SYPL1: variants seen among roughly 807,000 people sequenced by gnomAD.
SYPL1 encodes synaptophysin-like protein 1.
SYPL1 carries 6 observed loss-of-function variants against 23.7 expected under a neutral mutation model. The observed-to-expected ratio is 0.25, with a 90% CI of 0.14 to 0.50. The LOEUF is 0.50. Among genes scored for constraint, SYPL1 ranks in the 20% least tolerant of loss-of-function variants. SYPL1 has a pLI of 0.98. For missense variants in SYPL1, 253 were observed against 288.9 expected (o/e 0.88, Z 0.90); for synonymous variants, 102 against 104.5 (o/e 0.98, Z 0.15).
rs1243073255 is a variant in SYPL1, at chr7:106,100,318, T to TCATC, written c.70-1040_70-1037dup. On this transcript the variant is annotated intron_variant, in intron 1 of 4. Transcript: ENST00000455385. The surrounding 1 kb of genome is among the most constrained non-coding windows in gnomAD (Gnocchi z 5.1). ...TGTTGACAGGGAATCAAACTATAATTCATCCATTCATTCATTCATGCAATG... is the reference window on the plus strand; with the variant it reads ...TGTTGACAGGGAATCAAACTATAATTCATCCATCCATTCATTCATTCATGCAATG... Among the ~76,000 whole-genome samples the TCATC allele has an allele frequency of 6.6e-6, 1 of 152,308 alleles. No homozygotes were observed. Among genetic ancestry groups the TCATC allele is most frequent in the Admixed American group, 6.5e-5 (1 of 15,302 alleles).
rs1462244114 is a variant in SYPL1, at chr7:106,100,187, A to G, written c.70-905T>C. 6.6e-6 allele frequency among the ~76,000 whole-genome samples: 1 copy of G among 152,234 alleles called. No homozygotes were observed. Among genetic ancestry groups the G allele is most frequent in the Non-Finnish European group, 1.5e-5 (1 of 68,026 alleles). ...CCCTTGTGGGTATTTCCAGGTCTCA[A>G]AAAGTTGTTGGAAACTTATTTTCCT... is the stretch of plus-strand genomic sequence containing the variant. On this transcript the variant is annotated intron_variant, in intron 1 of 4. Coordinates refer to ENST00000455385, the MANE Select transcript of SYPL1 (RefSeq NM_182715.4). The surrounding 1 kb of genome is among the most constrained non-coding windows in gnomAD (Gnocchi z 5.1).
chr7:106,098,761 C>G (rs1460945418), intron 2 of SYPL1, among the ~76,000 whole-genome samples: 1 of 152,132 alleles, frequency 6.6e-6, no homozygotes, highest in Non-Finnish European at 1.5e-5. Flanking sequence ...CATTAATATT[C>G]AGCAATTACA....
At chr7:106,112,445 G>A (rs887070318), upstream of SYPL1, 22 of 1,457,494 alleles carry the variant, frequency 1.5e-5, no homozygotes, top group Non-Finnish European at 2.0e-5. Flanking sequence ...GGCGGGCCGG[G>A]GCGGAGACCG....
upstream of SYPL1, chr7:106,112,568 CT>C: frequency 6.7e-7 from 1 of 1,489,394 alleles, no homozygotes; most frequent in Non-Finnish European, 8.9e-7. Context: ...GGTTCAGCCC[CT>C]GGCACTCGGT....
chr7:106,112,505 G>A, upstream of SYPL1: 1 of 1,523,454 alleles, frequency 6.6e-7, no homozygotes, highest in South Asian at 1.3e-5. Context: ...ATCCGCTGGC[G>A]AACCAAGTAG....
chr7:106,112,306 C>A lies in SYPL1; in HGVS notation c.-98G>T. The A allele has an allele frequency of 1.5e-6, 2 of 1,327,148 alleles. No homozygotes were observed. The highest frequency in any genetic ancestry group is 2.1e-5 in the South Asian group (1 of 47,768). The allele number at this position is 1,327,148 out of a possible 1,614,324, so 82.2% of individuals were successfully genotyped here. A position where few individuals can be genotyped will look rare whatever the true frequency, so the allele number is the denominator to read the frequency against. On this transcript the variant is annotated 5_prime_UTR_variant, in exon 1 of 5. Transcript: ENST00000455385. ...CGGTGGCGAGGAAGGGCAGGCGGGG[C>A]TGGCGCGCTGGCCGGGCTCGGAGGC...
intron 1 of SYPL1, among the ~76,000 whole-genome samples, chr7:106,110,699 G>A (rs1020726947): frequency 2.0e-5 from 3 of 152,118 alleles, no homozygotes; most frequent in African/African-American, 7.2e-5. Context: ...ATCAAAACAC[G>A]AATGAACTTA....
chr7:106,112,522 G>C (rs1790229634), upstream of SYPL1: 1 of 1,520,866 alleles, frequency 6.6e-7, no homozygotes, highest in Non-Finnish European at 8.8e-7. Flanking sequence ...GTAGATGTTG[G>C]GCGCCATACT....
intron 1 of SYPL1, among the ~76,000 whole-genome samples, chr7:106,108,494 G>A (rs930765393): frequency 1.1e-4 from 16 of 151,896 alleles, no homozygotes; most frequent in South Asian, 4.2e-4. Flanking sequence ...TTTCTGCTTG[G>A]CCTTCTGAGT....
rs1237217404 is a variant in SYPL1 at position 106,095,873 on chromosome 7, AGTTTTATC to A, written c.402+1809_402+1816del. On this transcript the variant is annotated intron_variant, in intron 3 of 4. Transcript: ENST00000455385. The surrounding 1 kb of genome is among the most constrained non-coding windows in gnomAD (Gnocchi z 4.3). ...AATGATGCAACTAGGTCAGTTTTAT[AGTTTTATC>A]AGACAAAAACCACCTACAAAAATAG... Among the ~76,000 whole-genome samples the A allele has an allele frequency of 6.6e-6, 1 of 152,190 alleles. No individual in the cohort carries two copies. Among genetic ancestry groups the A allele is most frequent in the African/African-American group, 2.4e-5 (1 of 41,444 alleles).
chr7:106,096,895 T>C lies in SYPL1; in HGVS notation c.402+795A>G, dbSNP rs1421345325. Reference sequence around the variant, plus strand: ...TAGGCAATGTGTAAATGATTGTGTATGGCTGAGTTCCAAAAAAAACCTTTA... The same window carrying C: ...TAGGCAATGTGTAAATGATTGTGTACGGCTGAGTTCCAAAAAAAACCTTTA... On this transcript the variant is annotated intron_variant, in intron 3 of 4. Transcript: ENST00000455385. The surrounding 1 kb of genome is among the most constrained non-coding windows in gnomAD (Gnocchi z 4.4). Among the ~76,000 whole-genome samples the C allele has an allele frequency of 6.6e-6, 1 of 152,184 alleles. No individual in the cohort carries two copies. Among genetic ancestry groups the C allele is most frequent in the Non-Finnish European group, 1.5e-5 (1 of 68,024 alleles).
chr7:106,105,501 C>T (rs1840544862), intron 1 of SYPL1, among the ~76,000 whole-genome samples: 2 of 147,268 alleles, frequency 1.4e-5, no homozygotes, highest in African/African-American at 5.1e-5. Flanking sequence ...TACTTCTCTG[C>T]CCACCAGACC....
At position 106,109,266 on chromosome 7, in the gene SYPL1, T is replaced by C. The variant is rs1336840441; in HGVS notation, c.69+2874A>G. Among the ~76,000 whole-genome samples, 1 of 152,132 alleles carries C rather than the reference T, an allele frequency of 6.6e-6. No homozygotes were observed. Among genetic ancestry groups the C allele is most frequent in the Non-Finnish European group, 1.5e-5 (1 of 68,020 alleles). On this transcript the variant is annotated intron_variant, in intron 1 of 4. Transcript: ENST00000455385. This position sits in a 1 kb window ranked among gnomAD's most constrained non-coding sequence, Gnocchi z 4.3. ...GTGGCTTTTTTTTGTAACCACCAAA[T>C]TTCTCCCATCTTCACAGTCAAACAG...
rs1004830175 is a variant in SYPL1 at position 106,093,034 on chromosome 7, A to G, written c.506T>C (p.Ile169Thr). 1.2e-6 allele frequency: 2 copies of G among 1,613,884 alleles called. No individual in the cohort carries two copies. Among genetic ancestry groups the G allele is most frequent in the African/African-American group, 1.3e-5 (1 of 74,936 alleles). The change falls in exon 4 of 5, where the codon ATT becomes ACT. Residue 169 changes from isoleucine (I) to threonine (T), a missense_variant. Coordinates refer to ENST00000455385, the MANE Select transcript of SYPL1 (RefSeq NM_182715.4). The part of the protein sequence containing the change: ...DIKIATGHNI[I>T]DELPPCKKKA... ...CTTCTTACAAGGCGGAAGTTCATCA[A>G]TAATATTGTGACCAGTAGCTATTTT...
rs1790023211 is a variant in SYPL1 at position 106,109,284 on chromosome 7, TC to T, written c.69+2855del. ...CACCAAATTTCTCCCATCTTCACAG[TC>T]AAACAGCGGTTTATGCTGTCTTCAC... On this transcript the variant is annotated intron_variant, in intron 1 of 4. Coordinates refer to ENST00000455385, the MANE Select transcript of SYPL1 (RefSeq NM_182715.4). This position sits in a 1 kb window ranked among gnomAD's most constrained non-coding sequence, Gnocchi z 4.3. Among the ~76,000 whole-genome samples, 1 of 152,180 alleles carries T rather than the reference TC, an allele frequency of 6.6e-6. No homozygotes were observed. Among genetic ancestry groups the T allele is most frequent in the South Asian group, 2.1e-4 (1 of 4,834 alleles).
At chr7:106,098,550 G>A (rs1458438422) in intron 2 of SYPL1, among the ~76,000 whole-genome samples, 3 of 152,142 alleles carry the variant, frequency 2.0e-5, no homozygotes, top group Admixed American at 6.5e-5. Flanking sequence ...CTTGGGTGAA[G>A]TAAGTAAAAT....
At chr7:106,111,063 G>A (rs1182382063) in intron 1 of SYPL1, among the ~76,000 whole-genome samples, 1 of 152,182 alleles carries the variant, frequency 6.6e-6, no homozygotes, top group Non-Finnish European at 1.5e-5. Flanking sequence ...TCAGTTTTCA[G>A]AAAACACACA....
chr7:106,107,920 C>T (rs746388336), intron 1 of SYPL1, among the ~76,000 whole-genome samples: 53 of 151,478 alleles, frequency 3.5e-4, no homozygotes, highest in Non-Finnish European at 6.2e-4. Context: ...ATCAGCCAGG[C>T]GCGGTGGCTC....
Position 106,090,587 on chromosome 7 carries a change from C to A in SYPL1, c.*1218G>T, listed in dbSNP as rs1839679154. 6.6e-6 allele frequency: 1 copy of A among 152,574 alleles called. No individual in the cohort carries two copies. Among genetic ancestry groups the A allele is most frequent in the Non-Finnish European group, 1.5e-5 (1 of 68,018 alleles). 9.5% of individuals were successfully genotyped at this position (152,574 alleles called of 1,614,324 possible). On this transcript the variant is annotated 3_prime_UTR_variant, in exon 5 of 5. Transcript: ENST00000455385. ...CAATTCTTGTCATGAATAAAAGCAT[C>A]AAAAATAAGGCAACAGCAAGATGTG...
Sources: allele counts gnomAD v4.1 joint callset (sites outside exome capture counted in the v4.1 genomes callset), GRCh38; gene constraint gnomAD v4.1.1; non-coding constraint Gnocchi (gnomAD v3.1); transcripts MANE v1.5; gene names NCBI Gene and HGNC (gene_info 2026-07-23, HGNC 2026-07-21).